Variants in TMEM94 observed in about 807,000 individuals in gnomAD.
TMEM94 encodes the protein transmembrane protein 94, also known as ER Mg2+ ATPase.
In TMEM94, 81 loss-of-function variants were observed where a neutral mutation model predicts 158.6. The observed-to-expected ratio is 0.51, with a 90% CI of 0.43 to 0.61. The LOEUF (loss-of-function observed/expected upper bound fraction) is 0.61, where lower values mean the gene tolerates loss of function less well. Ranked by LOEUF, TMEM94 falls within the 20% of genes least tolerant of loss-of-function variation. The pLI is 0.00. For missense variants in TMEM94, 1,435 were observed against 1,762.0 expected (o/e 0.81, Z 3.32); for synonymous variants, 751 against 730.7 (o/e 1.03, Z -0.45).
chr17:75,491,120 T>C lies in TMEM94; in HGVS notation c.1200T>C (p.Ser400=), dbSNP rs2052138107. ...LGGTSPTLSH[S]SSLLHSLGSV... ...GGACATCGCCAACGCTGAGCCACAGTTCCAGCCTGCTGCACAGCCTGGGCT... is the reference window on the plus strand; with the variant it reads ...GGACATCGCCAACGCTGAGCCACAGCTCCAGCCTGCTGCACAGCCTGGGCT... The change falls in exon 12 of 32, where the codon AGT becomes AGC. Residue 400 remains serine, a synonymous_variant. Transcript: ENST00000314256. This position sits in a 1 kb window ranked among gnomAD's most constrained non-coding sequence, Gnocchi z 5.1. 1 of 1,613,410 alleles carries C rather than the reference T, an allele frequency of 6.2e-7. No homozygotes were observed. Among genetic ancestry groups the C allele is most frequent in the African/African-American group, 1.3e-5 (1 of 74,934 alleles).
chr17:75,492,719 G>A lies in TMEM94; in HGVS notation c.1842G>A (p.Leu614=). 6.2e-7 allele frequency: 1 copy of A among 1,611,846 alleles called. No individual in the cohort carries two copies. Among genetic ancestry groups the A allele is most frequent in the Non-Finnish European group, 8.5e-7 (1 of 1,179,982 alleles). The change falls in exon 15 of 32, where the codon CTG becomes CTA. Residue 614 remains leucine (L), a synonymous_variant. Coordinates refer to ENST00000314256, the MANE Select transcript of TMEM94 (RefSeq NM_014738.6). This position sits in a 1 kb window ranked among gnomAD's most constrained non-coding sequence, Gnocchi z 4.4. ...CCGACCACCTGTGCAACATCGCCCT[G>A]CAAGAGAGCCACAGCGCCGTGCTGC... The part of the protein sequence containing the change: ...RFSDHLCNIA[L]QESHSAVLPV...
rs938112342 is a variant in TMEM94 at position 75,489,854 on chromosome 17, G to A, written c.954+192G>A. On this transcript the variant is annotated intron_variant, in intron 9 of 31. Coordinates refer to ENST00000314256, the MANE Select transcript of TMEM94 (RefSeq NM_014738.6). This position sits in a 1 kb window ranked among gnomAD's most constrained non-coding sequence, Gnocchi z 5.0. Reference sequence around the variant, plus strand: ...CAAGCACTTTGGGAGGCCACGGCAGGCAGATCATGAGGTCAAGAGATCGAG... The same window carrying A: ...CAAGCACTTTGGGAGGCCACGGCAGACAGATCATGAGGTCAAGAGATCGAG... 6.5e-6 allele frequency: 4 copies of A among 614,532 alleles called. No individual in the cohort carries two copies. The highest frequency in any genetic ancestry group is 8.7e-6 in the Non-Finnish European group (3 of 344,312). 38.1% of individuals were successfully genotyped at this position (614,532 alleles called of 1,614,324 possible). A position where few individuals can be genotyped will look rare whatever the true frequency, so the allele number is the denominator to read the frequency against.
chr17:75,481,118 C>T (rs890372494), intron 2 of TMEM94, among the ~76,000 whole-genome samples: 1 of 152,240 alleles, frequency 6.6e-6, no homozygotes. Context: ...TTACAACCCT[C>T]CCTGAAGCTT....
intron 25 of TMEM94, 98 bp downstream of exon 25, chr17:75,496,905 C>T: frequency 2.2e-6 from 3 of 1,338,424 alleles, no homozygotes; most frequent in Non-Finnish European, 2.1e-6. Context: ...GTTAGCAGTA[C>T]AGTCAAGGGG....
Position 75,498,998 on chromosome 17 carries a change from T to C in TMEM94, c.3914T>C (p.Val1305Ala). ...CACGTCCACTTTGGCCTGGAGGACG[T>C]GCCCCTGCTGACATGGCTCCTGGGC... Reference protein sequence around the residue: ...DSHVHFGLEDVPLLTWLLGCL... With the variant: ...DSHVHFGLEDAPLLTWLLGCL... Residue 1305 changes from valine to alanine, a missense_variant, in exon 31 of 32, where the codon GTG becomes GCG. This residue lies in a region of TMEM94 where 335 missense variants were observed against 409.1 expected (regional missense o/e 0.82). Transcript: ENST00000314256. This position sits in a 1 kb window ranked among gnomAD's most constrained non-coding sequence, Gnocchi z 6.7. 2 of 1,603,288 alleles carry C rather than the reference T, an allele frequency of 1.2e-6. No individual in the cohort carries two copies. Among genetic ancestry groups the C allele is most frequent in the Non-Finnish European group, 1.7e-6 (2 of 1,176,370 alleles).
In TMEM94 at chr17:75,485,866, C is replaced by G. The variant is rs763231877; in HGVS notation, c.145-5C>G. 6 of 1,609,464 alleles carry G rather than the reference C, an allele frequency of 3.7e-6. No individual in the cohort carries two copies. In the Admixed American group the frequency reaches 5.0e-5, roughly 13 times the overall value. ...CATTGTCCCCTCCCTGTCCGAACTT[C>G]CCAGGAGGTGTGGAGAAGCAGCTTC... is the stretch of plus-strand genomic sequence containing the variant. On this transcript the variant is annotated splice_region_variant and splice_polypyrimidine_tract_variant and intron_variant, in intron 3 of 31. Transcript: ENST00000314256. The surrounding 1 kb of genome is among the most constrained non-coding windows in gnomAD (Gnocchi z 5.5).
intron 1 of TMEM94, among the ~76,000 whole-genome samples, chr17:75,463,199 C>CAA (rs2050177633): frequency 8.8e-6 from 1 of 113,184 alleles, no homozygotes; most frequent in Non-Finnish European, 1.7e-5. Flanking sequence ...TATATATATA[C>CAA]AGTTTAAATT....
chr17:75,460,225 G>A (rs1247642066), intron 1 of TMEM94, among the ~76,000 whole-genome samples: 3 of 152,138 alleles, frequency 2.0e-5, no homozygotes, highest in Non-Finnish European at 1.5e-5. Context: ...ACCTTGAAAG[G>A]CTTAGAGTGG....
At chr17:75,471,991 C>A (rs1341443066) in intron 2 of TMEM94, 62 bp downstream of exon 2, 1 of 1,565,536 alleles carries the variant, frequency 6.4e-7, no homozygotes, top group African/African-American at 1.4e-5. Context: ...CTCTTTCCTA[C>A]TTGTTTTTGC....
In TMEM94 at chr17:75,489,025, C is replaced by T. The variant is rs1435599822; in HGVS notation, c.764+115C>T. On this transcript the variant is annotated intron_variant, in intron 7 of 31. Transcript: ENST00000314256. The surrounding 1 kb of genome is among the most constrained non-coding windows in gnomAD (Gnocchi z 5.0). The stretch of plus-strand genomic sequence containing the variant: ...AGGTTCTCTTGAGGGCAGGCATCTC[C>T]TTAGGCTCCTGTCCTTAACATCTTG... 8.8e-7 allele frequency: 1 copy of T among 1,141,170 alleles called. No homozygotes were observed. The highest frequency in any genetic ancestry group is 2.3e-5 in the Admixed American group (1 of 43,370). 70.7% of individuals were successfully genotyped at this position (1,141,170 alleles called of 1,614,324 possible).
At chr17:75,496,965 T>C in intron 25 of TMEM94, 148 bp from the exon 26 acceptor site, 5 of 994,248 alleles carry the variant, frequency 5.0e-6, no homozygotes, top group Middle Eastern at 4.9e-4. Flanking sequence ...CTGACCCTCA[T>C]TGGCAGAAGA....
At chr17:75,497,756 C>T (rs200083786) in intron 26 of TMEM94, 25 bp from the exon 27 acceptor site, 2 of 1,588,108 alleles carry the variant, frequency 1.3e-6, no homozygotes, top group East Asian at 2.2e-5. Context: ...TGTCACCATC[C>T]CTCTACCTGA....
chr17:75,484,640 A>G (rs1598380158), intron 2 of TMEM94, among the ~76,000 whole-genome samples: 1 of 151,782 alleles, frequency 6.6e-6, no homozygotes, highest in African/African-American at 2.4e-5. Flanking sequence ...CGAGTGATCC[A>G]CCTGCCTCCA....
intron 2 of TMEM94, among the ~76,000 whole-genome samples, chr17:75,474,239 T>A (rs1463414248): frequency 6.7e-6 from 1 of 149,544 alleles, no homozygotes; most frequent in African/African-American, 2.5e-5. Context: ...GTGCAGTGGC[T>A]CACACCTGTA....
At chr17:75,462,025 T>TTTTTTTTTC (rs2050097105) in intron 1 of TMEM94, among the ~76,000 whole-genome samples, 1 of 138,034 alleles carries the variant, frequency 7.2e-6, no homozygotes, top group Non-Finnish European at 1.6e-5. Context: ...TTTTTTTTTT[T>TTTTTTTTTC]GAGGCAGAGT....
chr17:75,481,154 G>A (rs2051130335), intron 2 of TMEM94, among the ~76,000 whole-genome samples: 2 of 152,204 alleles, frequency 1.3e-5, no homozygotes, highest in South Asian at 2.1e-4. Context: ...CAGGAGCTCC[G>A]GGAGGCAGTA....
In TMEM94 at chr17:75,492,442, C is replaced by A; in HGVS notation, c.1597-32C>A. The A allele has an allele frequency of 6.4e-7, 1 of 1,552,532 alleles. No homozygotes were observed. Among genetic ancestry groups the A allele is most frequent in the Non-Finnish European group, 8.7e-7 (1 of 1,145,838 alleles). ...GTGCTGGCTTCCCCACACCCTATCC[C>A]GGGCTGAGGCTCTCCTCCACATTTC... On this transcript the variant is annotated intron_variant, in intron 14 of 31. Coordinates refer to ENST00000314256, the MANE Select transcript of TMEM94 (RefSeq NM_014738.6). The surrounding 1 kb of genome is among the most constrained non-coding windows in gnomAD (Gnocchi z 4.4).
At position 75,498,061 on chromosome 17, in the gene TMEM94, C is replaced by A; in HGVS notation, c.3490-114C>A. The stretch of plus-strand genomic sequence containing the variant: ...AAAGACCCTTGCTGGGGCTTGAGCT[C>A]CCTATCCCCCCAGGCCTGACCATTT... On this transcript the variant is annotated intron_variant, in intron 27 of 31. Transcript: ENST00000314256. The surrounding 1 kb of genome is among the most constrained non-coding windows in gnomAD (Gnocchi z 6.7). 1 of 1,409,680 alleles carries A rather than the reference C, an allele frequency of 7.1e-7. No homozygotes were observed. 87.3% of individuals were successfully genotyped at this position (1,409,680 alleles called of 1,614,324 possible). A position where few individuals can be genotyped will look rare whatever the true frequency, so the allele number is the denominator to read the frequency against.
chr17:75,490,423 G>A, intron 10 of TMEM94, 73 bp downstream of exon 10: 1 of 1,529,168 alleles, frequency 6.5e-7, no homozygotes, highest in East Asian at 2.3e-5. Context: ...AGAGGACGGG[G>A]GCAGAAGTCC....
Sources: gnomAD v4.1 joint callset for allele counts (sites outside exome capture counted in the v4.1 genomes callset) on GRCh38, gnomAD v4.1.1 for gene constraint, gnomAD v4.1.1 regional missense constraint, Gnocchi (gnomAD v3.1) non-coding constraint, MANE v1.5 for transcripts, NCBI Gene and HGNC (gene_info 2026-07-23, HGNC 2026-07-21) for gene names.